GASK1A: variants seen among roughly 807,000 people sequenced by gnomAD.
GASK1A encodes Golgi-associated kinase 1A.
GASK1A carries 40 observed loss-of-function variants against 41.2 expected under a neutral mutation model. The ratio of observed to expected loss-of-function variants is 0.97; its 90% confidence interval spans 0.75 to 1.27. The LOEUF (loss-of-function observed/expected upper bound fraction) is 1.27, where lower values mean the gene tolerates loss of function less well. GASK1A is among the 50% of genes most tolerant of loss of function. GASK1A has a pLI of 0.00. For missense variants in GASK1A, 678 were observed against 745.1 expected (o/e 0.91, Z 1.05); for synonymous variants, 316 against 307.1 (o/e 1.03, Z -0.30).
intron 1 of GASK1A, among the ~76,000 whole-genome samples, chr3:43,023,320 C>T (rs751069063): frequency 2.6e-5 from 4 of 152,188 alleles, no homozygotes; most frequent in Admixed American, 1.3e-4. Flanking sequence ...GGAGGTAGCA[C>T]GGCCCTGCTG....
intron 1 of GASK1A, among the ~76,000 whole-genome samples, chr3:42,996,596 A>T (rs2089370691): frequency 6.6e-6 from 1 of 152,232 alleles, no homozygotes; most frequent in African/African-American, 2.4e-5. Context: ...CACAGCAAGA[A>T]CACAGCGGAT....
chr3:43,021,449 T>C (rs1449002572), intron 1 of GASK1A, among the ~76,000 whole-genome samples: 1 of 152,174 alleles, frequency 6.6e-6, no homozygotes, highest in Non-Finnish European at 1.5e-5. Flanking sequence ...TGTCTCTACC[T>C]TCTGTTATGC....
rs1038583814 is a variant in GASK1A, at chr3:43,033,086, G to T, written c.823G>T (p.Gly275Trp). Residue 275 changes from glycine (G) to tryptophan (W), a missense_variant, in exon 2 of 5, where the codon GGG (glycine) becomes TGG (tryptophan). Coordinates refer to ENST00000430121, the MANE Select transcript of GASK1A (RefSeq NM_001129908.3). ...DVQMLRLLAQ[G>W]EVVDKARVPA... ...GCAGATGCTCCGTCTGTTGGCACAG[G>T]GGGAGGTGGTGGACAAAGCCAGGGT... 6.4e-7 allele frequency: 1 copy of T among 1,551,724 alleles called. No individual in the cohort carries two copies. Among genetic ancestry groups the T allele is most frequent in the Non-Finnish European group, 8.7e-7 (1 of 1,146,994 alleles).
intron 2 of GASK1A, chr3:43,037,193 A>C (rs2089608835): frequency 2.6e-6 from 3 of 1,147,848 alleles, no homozygotes; most frequent in Middle Eastern, 4.0e-4. Context: ...AACCTAAGTC[A>C]AAATCTGGGG....
intron 1 of GASK1A, among the ~76,000 whole-genome samples, chr3:42,997,432 GA>G (rs1228444899): frequency 0.013 from 1,324 of 100,458 alleles, 15 homozygotes; most frequent in African/African-American, 0.033. Context: ...GAGAGAGACA[GA>G]GAGAGGGGGG....
At chr3:43,048,669 A>G (rs1193594119) in intron 2 of GASK1A, among the ~76,000 whole-genome samples, 3 of 152,210 alleles carry the variant, frequency 2.0e-5, no homozygotes, top group African/African-American at 4.8e-5. Context: ...ACTAACTGCC[A>G]TAAGTCATTG....
At chr3:42,988,777 CT>C (rs1183957931) in intron 1 of GASK1A, among the ~76,000 whole-genome samples, 1 of 152,238 alleles carries the variant, frequency 6.6e-6, no homozygotes, top group Non-Finnish European at 1.5e-5. Context: ...TGAGGGCTGA[CT>C]GCCACTGCCT....
At chr3:43,042,746 A>G (rs773453942) in intron 2 of GASK1A, among the ~76,000 whole-genome samples, 3 of 152,118 alleles carry the variant, frequency 2.0e-5, no homozygotes, top group Non-Finnish European at 4.4e-5. Flanking sequence ...TGGTCTTTTT[A>G]GATAAGCTAT....
intron 1 of GASK1A, among the ~76,000 whole-genome samples, chr3:43,000,577 A>T (rs1269035217): frequency 2.0e-5 from 3 of 152,266 alleles, no homozygotes. Context: ...ACACATCAGA[A>T]GGCGAACATT....
intron 1 of GASK1A, among the ~76,000 whole-genome samples, chr3:43,012,176 G>A (rs903957094): frequency 6.0e-5 from 9 of 149,686 alleles, no homozygotes; most frequent in African/African-American, 2.2e-4. Flanking sequence ...AGGGGCAGAG[G>A]GAAGTCACAG....
chr3:43,050,225 GT>G, intron 2 of GASK1A, among the ~76,000 whole-genome samples: 1 of 152,086 alleles, frequency 6.6e-6, no homozygotes, highest in Non-Finnish European at 1.5e-5. Context: ...AATAAACTCT[GT>G]TTTTGTTGTT....
intron 2 of GASK1A, among the ~76,000 whole-genome samples, chr3:43,042,551 G>A (rs1478411500): frequency 6.6e-6 from 1 of 152,186 alleles, no homozygotes; most frequent in Non-Finnish European, 1.5e-5. Context: ...AATGCCTTTT[G>A]GGTATCTGTG....
chr3:42,992,699 G>A (rs1440183463), intron 1 of GASK1A, among the ~76,000 whole-genome samples: 1 of 152,182 alleles, frequency 6.6e-6, no homozygotes. Flanking sequence ...AGGGGAAAGG[G>A]ACGCCTAGTT....
At chr3:43,002,151 T>C (rs1375973309) in intron 1 of GASK1A, among the ~76,000 whole-genome samples, 2 of 152,178 alleles carry the variant, frequency 1.3e-5, no homozygotes, top group Non-Finnish European at 2.9e-5. Flanking sequence ...AGAATCCTCC[T>C]TGTTAGATGG....
chr3:43,044,980 A>T (rs1425032680), intron 2 of GASK1A, among the ~76,000 whole-genome samples: 2 of 152,160 alleles, frequency 1.3e-5, no homozygotes, highest in African/African-American at 4.8e-5. Flanking sequence ...CACATTATTT[A>T]TTGGTGATCA....
intron 2 of GASK1A, among the ~76,000 whole-genome samples, chr3:43,038,249 A>G (rs960534380): frequency 1.3e-5 from 2 of 152,198 alleles, no homozygotes; most frequent in Non-Finnish European, 2.9e-5. Context: ...AAACTTCTGC[A>G]TGGTTCGTAA....
chr3:43,045,432 T>C (rs1284158109), intron 2 of GASK1A, among the ~76,000 whole-genome samples: 1 of 152,200 alleles, frequency 6.6e-6, no homozygotes, highest in East Asian at 1.9e-4. Flanking sequence ...TCTACCAACA[T>C]ATTGGAATAT....
intron 1 of GASK1A, among the ~76,000 whole-genome samples, chr3:42,980,616 C>G (rs2089278040): frequency 2.0e-5 from 3 of 152,094 alleles, no homozygotes; most frequent in Non-Finnish European, 4.4e-5. Context: ...GATGGAGGGT[C>G]TCTGTGAGAA....
intron 1 of GASK1A, among the ~76,000 whole-genome samples, chr3:43,007,886 C>T (rs2089444691): frequency 6.6e-6 from 1 of 152,194 alleles, no homozygotes; most frequent in South Asian, 2.1e-4. Context: ...CAGCCCAGCT[C>T]AATTTACCTT....
Sources: gnomAD v4.1 joint callset for allele counts (sites outside exome capture counted in the v4.1 genomes callset) on GRCh38, gnomAD v4.1.1 for gene constraint, MANE v1.5 for transcripts, NCBI Gene and HGNC (gene_info 2026-07-23, HGNC 2026-07-21) for gene names.